PTPRN2: variants seen among roughly 807,000 people sequenced by gnomAD.
PTPRN2 encodes the protein receptor-type tyrosine-protein phosphatase N2.
Under a neutral mutation model 118.8 loss-of-function variants are expected in PTPRN2, and 74 were observed. That is an observed-to-expected ratio of 0.62 (90% CI 0.52 to 0.76). The LOEUF is 0.76. Among genes scored for constraint, PTPRN2 ranks in the 30% least tolerant of loss-of-function variants. PTPRN2 has a pLI of 0.00. For missense variants in PTPRN2, 1,481 were observed against 1,394.4 expected, an observed-to-expected ratio of 1.06 and a Z score of -0.99; for synonymous variants, 641 against 608.0, an observed-to-expected ratio of 1.05 and a Z score of -0.80.
intron 2 of PTPRN2, among the ~76,000 whole-genome samples, chr7:158,334,708 A>G (rs1450672353): frequency 4.7e-4 from 8 of 16,984 alleles, no homozygotes; most frequent in Non-Finnish European, 7.2e-4. Flanking sequence ...AAGAGGTGAC[A>G]CCTGCAGACG....
In PTPRN2 at chr7:157,627,375, A is replaced by T. The variant is rs138138583; in HGVS notation, c.2197-5866T>A. Reference sequence around the variant, plus strand: ...GAGCCAGTGAAGGCGGGATTGCACCACAATGCGTGCTCACATCAGGAAATC... The same window carrying T: ...GAGCCAGTGAAGGCGGGATTGCACCTCAATGCGTGCTCACATCAGGAAATC... On this transcript the variant is annotated intron_variant, in intron 14 of 22. Transcript: ENST00000389418. This position sits in a 1 kb window ranked among gnomAD's most constrained non-coding sequence, Gnocchi z 4.2. Among the ~76,000 whole-genome samples the T allele has an allele frequency of 0.011, 1,669 of 152,376 alleles. 19 individuals are homozygous for T. Among genetic ancestry groups the T allele is most frequent in the Middle Eastern group, 0.041 (12 of 294 alleles).
chr7:158,002,014 G>T (rs1473138947), intron 11 of PTPRN2, among the ~76,000 whole-genome samples: 1 of 152,234 alleles, frequency 6.6e-6, no homozygotes, highest in Non-Finnish European at 1.5e-5. Context: ...GCCAGCTTCA[G>T]ATTCAGAAAT....
intron 11 of PTPRN2, among the ~76,000 whole-genome samples, chr7:158,050,900 C>A (rs1328274600): frequency 6.6e-6 from 1 of 152,244 alleles, no homozygotes; most frequent in Non-Finnish European, 1.5e-5. Flanking sequence ...GGGATGCTTG[C>A]CCCTCCCGCT....
chr7:158,005,716 C>T (rs918272123), intron 11 of PTPRN2, among the ~76,000 whole-genome samples: 1 of 152,170 alleles, frequency 6.6e-6, no homozygotes, highest in African/African-American at 2.4e-5. Context: ...AGGTGGTGCT[C>T]GTGGCCCACG....
At chr7:157,562,881 A>C (rs1799270177) in intron 21 of PTPRN2, among the ~76,000 whole-genome samples, 1 of 132,016 alleles carries the variant, frequency 7.6e-6, no homozygotes, top group Non-Finnish European at 1.6e-5. Flanking sequence ...CCACACGCAG[A>C]TCAGGACCAC....
intron 13 of PTPRN2, among the ~76,000 whole-genome samples, chr7:157,657,011 CCACA>C (rs1314615479): frequency 8.0e-6 from 1 of 125,622 alleles, no homozygotes; most frequent in East Asian, 2.3e-4. Flanking sequence ...CACACATACG[CCACA>C]CACACACCAC....
chr7:157,724,749 TTGGG>T (rs1285372807), intron 12 of PTPRN2, among the ~76,000 whole-genome samples: 1 of 152,226 alleles, frequency 6.6e-6, no homozygotes, highest in Non-Finnish European at 1.5e-5. Context: ...AACAGCGTAG[TTGGG>T]TGAGCACTCA....
chr7:158,291,430 T>A (rs1322106206), intron 3 of PTPRN2, among the ~76,000 whole-genome samples: 1 of 152,196 alleles, frequency 6.6e-6, no homozygotes, highest in Non-Finnish European at 1.5e-5. Context: ...TTGTTTGGGT[T>A]TTTTTAGTCT....
intron 3 of PTPRN2, among the ~76,000 whole-genome samples, chr7:158,292,944 T>C (rs1276144634): frequency 6.6e-6 from 1 of 152,026 alleles, no homozygotes; most frequent in Non-Finnish European, 1.5e-5. Flanking sequence ...AGCAGGCACC[T>C]GTAATCCCAG....
chr7:157,953,949 C>T lies in PTPRN2; in HGVS notation c.1724-55212G>A, dbSNP rs962988839. ...CTTGAAGATGCATGTGTGTTAGAGT[C>T]TCTTCCACAGAACTCTCTGGAAAGG... On this transcript the variant is annotated intron_variant, in intron 11 of 22. Coordinates refer to ENST00000389418, the MANE Select transcript of PTPRN2 (RefSeq NM_002847.5). This position sits in a 1 kb window ranked among gnomAD's most constrained non-coding sequence, Gnocchi z 4.6. 2.6e-5 allele frequency among the ~76,000 whole-genome samples: 4 copies of T among 152,254 alleles called. No homozygotes were observed. Among genetic ancestry groups the T allele is most frequent in the African/African-American group, 9.6e-5 (4 of 41,468 alleles).
intron 11 of PTPRN2, among the ~76,000 whole-genome samples, chr7:157,910,546 A>G (rs1196498954): frequency 1.3e-5 from 2 of 152,196 alleles, no homozygotes; most frequent in African/African-American, 4.8e-5. Flanking sequence ...CGCCGTAGGA[A>G]CGGGCGCAGA....
chr7:157,657,933 CCA>C lies in PTPRN2; in HGVS notation c.2002-1384_2002-1383del, dbSNP rs1166971793. On this transcript the variant is annotated intron_variant, in intron 13 of 22. Transcript: ENST00000389418. Reference sequence around the variant, plus strand: ...ACACACCACACACATCGCAGACACACCACACACACACACCACACACATATGTA... The same window carrying C: ...ACACACCACACACATCGCAGACACACCACACACACACCACACACATATGTA... Among the ~76,000 whole-genome samples, 49 of 139,988 alleles carry C rather than the reference CCA, an allele frequency of 3.5e-4. 2 individuals carry two copies. Among genetic ancestry groups the C allele is most frequent in the East Asian group, 1.3e-3 (6 of 4,672 alleles). The allele number at this position is 139,988 out of a possible 152,430, so 91.8% of individuals were successfully genotyped here.
intron 12 of PTPRN2, among the ~76,000 whole-genome samples, chr7:157,722,948 C>T (rs1053273054): frequency 5.3e-5 from 8 of 152,086 alleles, no homozygotes; most frequent in Admixed American, 6.5e-5. Context: ...AACAGCCCAC[C>T]GCCAGCAGGG....
chr7:158,578,024 A>C (rs574670361), intron 1 of PTPRN2, among the ~76,000 whole-genome samples: 1 of 152,354 alleles, frequency 6.6e-6, no homozygotes, highest in South Asian at 2.1e-4. Flanking sequence ...ACCTCGCTTC[A>C]GAAGAGCAAA....
chr7:157,621,565 G>A lies in PTPRN2; in HGVS notation c.2197-56C>T, dbSNP rs997963940. The A allele has an allele frequency of 5.6e-6, 9 of 1,596,346 alleles. No individual in the cohort carries two copies. In the Admixed American group the frequency reaches 1.5e-4, roughly 27 times the overall value. ...CCTAGGTGGTGAGCCCAGACCGGCA[G>A]ATGCACAAAAGGCAGCGGAGGCCTT... On this transcript the variant is annotated intron_variant, in intron 14 of 22. Transcript: ENST00000389418.
intron 11 of PTPRN2, among the ~76,000 whole-genome samples, chr7:157,902,278 A>G (rs1467136161): frequency 2.6e-5 from 4 of 152,224 alleles, no homozygotes; most frequent in South Asian, 2.1e-4. Flanking sequence ...TGTTGGCTGC[A>G]GTGGAACACT....
intron 1 of PTPRN2, among the ~76,000 whole-genome samples, chr7:158,558,132 G>T (rs1055720075): frequency 2.0e-5 from 3 of 152,098 alleles, no homozygotes; most frequent in Admixed American, 2.0e-4. Context: ...CCACAGGCAA[G>T]AGCCACCACA....
At chr7:157,623,915 T>C (rs1235594069) in intron 14 of PTPRN2, among the ~76,000 whole-genome samples, 2 of 152,256 alleles carry the variant, frequency 1.3e-5, no homozygotes, top group Non-Finnish European at 2.9e-5. Flanking sequence ...ATTAAACTGA[T>C]GAAATATCCC....
At chr7:158,205,359 C>T in intron 3 of PTPRN2, 86 bp from the exon 4 acceptor site, 1 of 971,092 alleles carries the variant, frequency 1.0e-6, no homozygotes, top group Admixed American at 1.9e-5. Flanking sequence ...AGTTGCATTT[C>T]AGCATTAAGT....
Sources: gnomAD v4.1 joint callset for allele counts (sites outside exome capture counted in the v4.1 genomes callset) on GRCh38, gnomAD v4.1.1 for gene constraint, Gnocchi (gnomAD v3.1) non-coding constraint, MANE v1.5 for transcripts, NCBI Gene and HGNC (gene_info 2026-07-23, HGNC 2026-07-21) for gene names.